Variants in L3MBTL1 observed in about 807,000 individuals in gnomAD.
L3MBTL1 encodes the protein L3MBTL histone methyl-lysine binding protein 1.
In L3MBTL1, 75 loss-of-function variants were observed where a neutral mutation model predicts 105.3. The ratio of observed to expected loss-of-function variants is 0.71; its 90% CI spans 0.59 to 0.86. The LOEUF (loss-of-function observed/expected upper bound fraction) is 0.86, where lower values mean the gene tolerates loss of function less well. Ranked by LOEUF, L3MBTL1 falls within the 40% of genes least tolerant of loss-of-function variation. The pLI is 0.00. For synonymous variants in L3MBTL1, 452 were observed against 436.2 expected (o/e 1.04, Z -0.45); for missense variants, 1,069 against 1,126.4 (o/e 0.95, Z 0.73).
intron 9 of L3MBTL1, among the ~76,000 whole-genome samples, chr20:43,529,728 C>T (rs1170266856): frequency 1.3e-5 from 2 of 152,184 alleles, no homozygotes; most frequent in Admixed American, 6.5e-5. Flanking sequence ...CAGACTTGAG[C>T]TGGGAGGCAC....
At chr20:43,528,602 A>G in intron 7 of L3MBTL1, 55 bp from the exon 8 acceptor site, 2 of 1,370,430 alleles carry the variant, frequency 1.5e-6, no homozygotes, top group Non-Finnish European at 2.1e-6. Context: ...GAAGCCGAAG[A>G]AAGTCATATA....
At chr20:43,509,067 T>C (rs2018063539) in intron 1 of L3MBTL1, among the ~76,000 whole-genome samples, 1 of 152,240 alleles carries the variant, frequency 6.6e-6, no homozygotes, top group African/African-American at 2.4e-5. Flanking sequence ...CCTCACTTCA[T>C]GGCAGACTCC....
At chr20:43,519,716 T>C (rs1329650402) in intron 7 of L3MBTL1, among the ~76,000 whole-genome samples, 1 of 152,206 alleles carries the variant, frequency 6.6e-6, no homozygotes, top group Non-Finnish European at 1.5e-5. Context: ...TCATAGCACG[T>C]TGTAGCCTCA....
Position 43,534,306 on chromosome 20 carries a change from T to C in L3MBTL1, c.1622T>C (p.Val541Ala). The C allele has an allele frequency of 6.2e-7, 1 of 1,614,034 alleles. No homozygotes were observed. The highest frequency in any genetic ancestry group is 8.5e-7 in the Non-Finnish European group (1 of 1,180,008). Residue 541 changes from valine (V) to alanine (A), a missense_variant, in exon 15 of 22, where the codon GTC (valine) becomes GCC (alanine). Val to Ala is a moderately conservative substitution (Grantham distance 64). Transcript: ENST00000418998. ...CAGCGACCCCCTCACAGCTTCCTGG[T>C]CAATATGAAGCTGGAGGCTGTGGAC... is the stretch of plus-strand genomic sequence containing the variant. ...FKVRPPHSFL[V>A]NMKLEAVDRR...
chr20:43,514,126 C>CG, intron 3 of L3MBTL1, 65 bp downstream of exon 3: 1 of 1,372,360 alleles, frequency 7.3e-7, no homozygotes, highest in African/African-American at 1.4e-5. Flanking sequence ...CTTGCAGGCC[C>CG]GGAGGCTGGA....
At chr20:43,537,270 C>T (rs986971698) in intron 19 of L3MBTL1, among the ~76,000 whole-genome samples, 6 of 152,216 alleles carry the variant, frequency 3.9e-5, no homozygotes, top group Non-Finnish European at 5.9e-5. Context: ...AATTTATTTT[C>T]CACAGTTCTG....
chr20:43,539,769 C>A, intron 19 of L3MBTL1: 1 of 328,276 alleles, frequency 3.0e-6, no homozygotes, highest in South Asian at 2.7e-5. Context: ...GGACTTCTGA[C>A]ATCAAGGCTG....
At chr20:43,550,741 G>T (rs919674668) in exon 19 of L3MBTL1, 1 of 152,222 alleles carries the variant, frequency 6.6e-6, no homozygotes, top group Non-Finnish European at 1.5e-5. Flanking sequence ...GTTTGCAAAT[G>T]AAGCCTTTTT....
In L3MBTL1 at chr20:43,541,748, T is replaced by C. The variant is rs998967648; in HGVS notation, c.*620T>C. On this transcript the variant is annotated 3_prime_UTR_variant, in exon 22 of 22. Coordinates refer to ENST00000418998, the MANE Select transcript of L3MBTL1 (RefSeq NM_001377303.1). ...ACCATGGTTTTAAATGTGGAATCAT[T>C]GACAGAAATGTCTTTATGTAGCATA... is the stretch of plus-strand genomic sequence containing the variant. The C allele has an allele frequency of 2.2e-5, 19 of 879,986 alleles. No homozygotes were observed. The highest frequency in any genetic ancestry group is 1.8e-5 in the African/African-American group (1 of 55,100). The allele number at this position is 879,986 out of a possible 1,614,324, so 54.5% of individuals were successfully genotyped here.
At chr20:43,522,350 G>T (rs145458461) in intron 7 of L3MBTL1, among the ~76,000 whole-genome samples, 1 of 150,304 alleles carries the variant, frequency 6.7e-6, no homozygotes, top group Non-Finnish European at 1.5e-5. Context: ...GCAAAACTCC[G>T]TCTCAAAAAA....
At chr20:43,544,300 C>G (rs1031818944), downstream of L3MBTL1, among the ~76,000 whole-genome samples, 2 of 152,228 alleles carry the variant, frequency 1.3e-5, no homozygotes, top group Non-Finnish European at 2.9e-5. Context: ...CTCTCAAGAT[C>G]TATCCAGATC....
downstream of L3MBTL1, among the ~76,000 whole-genome samples, chr20:43,546,312 C>A (rs1238635071): frequency 6.6e-6 from 1 of 152,188 alleles, no homozygotes; most frequent in Non-Finnish European, 1.5e-5. Context: ...GCATTGCCCC[C>A]TGAGCTGCAT....
rs140293563 is a variant in L3MBTL1, at chr20:43,515,331, T to C, written c.693T>C (p.Ala231=). The C allele has an allele frequency of 1.1e-5, 18 of 1,588,348 alleles. No homozygotes were observed. The highest frequency in any genetic ancestry group is 1.5e-5 in the Non-Finnish European group (18 of 1,166,000). Residue 231 remains alanine, a synonymous_variant, in exon 6 of 22, where the codon GCT becomes GCC. Transcript: ENST00000418998. ...AGAACTCCTCAGGCTCTACCAGCGCTTCTGAGCTCCTCAAACCCATGAAGA... is the reference window on the plus strand; with the variant it reads ...AGAACTCCTCAGGCTCTACCAGCGCCTCTGAGCTCCTCAAACCCATGAAGA... ...IVENSSGSTS[A]SELLKPMKKR... is the part of the protein sequence containing the mutation.
chr20:43,545,927 C>G (rs886524297), downstream of L3MBTL1, among the ~76,000 whole-genome samples: 1 of 152,230 alleles, frequency 6.6e-6, no homozygotes, highest in African/African-American at 2.4e-5. Context: ...AGGTTGCCAG[C>G]CTCTCTGAGA....
chr20:43,541,461 C>G lies in L3MBTL1; in HGVS notation c.*333C>G, dbSNP rs1411627311. On this transcript the variant is annotated 3_prime_UTR_variant, in exon 22 of 22. Coordinates refer to ENST00000418998, the MANE Select transcript of L3MBTL1 (RefSeq NM_001377303.1). ...CATACCAGAACGTCTAGTATAATTACAGTCATGCATTGCTTAACGATGGGG... is the reference window on the plus strand; with the variant it reads ...CATACCAGAACGTCTAGTATAATTAGAGTCATGCATTGCTTAACGATGGGG... The G allele has an allele frequency of 1.1e-5, 3 of 282,194 alleles. No homozygotes were observed. Among genetic ancestry groups the G allele is most frequent in the African/African-American group, 6.4e-5 (3 of 46,618 alleles). The allele number at this position is 282,194 out of a possible 1,614,324, so 17.5% of individuals were successfully genotyped here. A position where few individuals can be genotyped will look rare whatever the true frequency, so the allele number is the denominator to read the frequency against.
chr20:43,534,560 A>AT (rs1457800039), intron 15 of L3MBTL1, 166 bp downstream of exon 15: 24 of 636,862 alleles, frequency 3.8e-5, no homozygotes, highest in Admixed American at 5.6e-5. Flanking sequence ...TGGACAAGTC[A>AT]TTTTCCCTCT....
At chr20:43,517,348 G>C (rs2018455192) in intron 7 of L3MBTL1, among the ~76,000 whole-genome samples, 1 of 152,146 alleles carries the variant, frequency 6.6e-6, no homozygotes, top group Non-Finnish European at 1.5e-5. Context: ...GCCCACCTCA[G>C]CCTCCCAAGT....
rs764113212 is a variant in L3MBTL1 at position 43,536,101 on chromosome 20, T to C, written c.1930T>C (p.Cys644Arg). ...TSKYSFHHRK[C>R]PTPGCDGSGH... ...CTGAAGTCTCTTCTTCCCCAGGAAG[T>C]GCCCCACTCCTGGTTGCGACGGCTC... Residue 644 changes from cysteine to arginine, a missense_variant, in exon 18 of 22, where the codon TGC (cysteine) becomes CGC (arginine). Coordinates refer to ENST00000418998, the MANE Select transcript of L3MBTL1 (RefSeq NM_001377303.1). 6.2e-7 allele frequency: 1 copy of C among 1,613,012 alleles called. No individual in the cohort carries two copies. The highest frequency in any genetic ancestry group is 8.5e-7 in the Non-Finnish European group (1 of 1,179,974).
Position 43,522,457 on chromosome 20 carries a change from G to GTTTTTTTTTTTTTT in L3MBTL1, c.863-6182_863-6169dup, listed in dbSNP as rs1176856356. Among the ~76,000 whole-genome samples the GTTTTTTTTTTTTTT allele has an allele frequency of 7.6e-4, 73 of 95,864 alleles. 10 individuals are homozygous for GTTTTTTTTTTTTTT. The highest frequency in any genetic ancestry group is 6.7e-3 in the Middle Eastern group (1 of 150). 62.9% of individuals were successfully genotyped at this position (95,864 alleles called of 152,430 possible). On this transcript the variant is annotated intron_variant, in intron 7 of 21. Transcript: ENST00000418998. ...TGGTAACTGAATTTTTCCCTGCTAA[G>GTTTTTTTTTTTTTT]TTTTTTTTTTTTTTTTTTTTTTTTT...
Sources: allele counts gnomAD v4.1 joint callset (sites outside exome capture counted in the v4.1 genomes callset), GRCh38; gene constraint gnomAD v4.1.1; transcripts MANE v1.5; gene names NCBI Gene and HGNC (gene_info 2026-07-23, HGNC 2026-07-21).